Variants in SNX27 observed in about 807,000 individuals in gnomAD.
The protein encoded by SNX27 is sorting nexin-27.
In SNX27, 22 loss-of-function variants were observed where a neutral mutation model predicts 71.6. The observed-to-expected ratio is 0.31, with a 90% CI of 0.22 to 0.44. The LOEUF (loss-of-function observed/expected upper bound fraction) is 0.44, where lower values mean the gene tolerates loss of function less well. Among genes scored for constraint, SNX27 ranks in the 20% least tolerant of loss-of-function variants. SNX27 has a pLI of 1.00. For synonymous variants in SNX27, 269 were observed against 277.2 expected (o/e 0.97, Z 0.29); for missense variants, 531 against 698.6 (o/e 0.76, Z 2.70).
chr1:151,612,235 T>G lies in SNX27; in HGVS notation c.34T>G (p.Ser12Ala). The change falls in exon 1 of 12, where the codon TCA becomes GCA. Residue 12 changes from serine (S) to alanine (A), a missense_variant. Ser to Ala is a moderately conservative substitution (Grantham distance 99). This residue lies in a region of SNX27 where 130 missense variants were observed against 143.5 expected (regional missense o/e 0.91). Transcript: ENST00000458013. This position sits in a 1 kb window ranked among gnomAD's most constrained non-coding sequence, Gnocchi z 5.2. ...ADEDGEGIHP[S>A]APHRNGGGGG... The stretch of plus-strand genomic sequence containing the variant: ...CGAGGACGGGGAAGGGATTCATCCC[T>G]CAGCCCCTCACAGGAACGGAGGTGG... 1 of 1,419,436 alleles carries G rather than the reference T, an allele frequency of 7.0e-7. No homozygotes were observed. Among genetic ancestry groups the G allele is most frequent in the Non-Finnish European group, 9.2e-7 (1 of 1,088,896 alleles). 87.9% of individuals were successfully genotyped at this position (1,419,436 alleles called of 1,614,324 possible).
At chr1:151,692,379 A>G (rs1671491001) in intron 8 of SNX27, 56 bp from the exon 9 acceptor site, 2 of 1,459,706 alleles carry the variant, frequency 1.4e-6, no homozygotes, top group Non-Finnish European at 1.8e-6. Flanking sequence ...TTAATACCAT[A>G]GTAACCCTGT....
intron 2 of SNX27, among the ~76,000 whole-genome samples, chr1:151,655,024 G>C (rs1160472595): frequency 6.6e-6 from 1 of 151,918 alleles, no homozygotes; most frequent in African/African-American, 2.4e-5. Flanking sequence ...TATATGTCTA[G>C]TAATTTTTGA....
intron 1 of SNX27, among the ~76,000 whole-genome samples, chr1:151,633,410 A>G (rs1212753485): frequency 3.3e-5 from 5 of 151,806 alleles, no homozygotes; most frequent in Non-Finnish European, 7.4e-5. Flanking sequence ...CAATCCTCCT[A>G]CCTCAGTCCC....
At chr1:151,641,629 A>ATATATATATATC (rs1195933776) in intron 2 of SNX27, among the ~76,000 whole-genome samples, 2 of 120,078 alleles carry the variant, frequency 1.7e-5, no homozygotes, top group African/African-American at 6.0e-5. Flanking sequence ...ATATATATAT[A>ATATATATATATC]TCATATGTAT....
intron 1 of SNX27, among the ~76,000 whole-genome samples, chr1:151,624,149 A>G (rs971168321): frequency 4.0e-5 from 6 of 151,578 alleles, no homozygotes; most frequent in Admixed American, 3.3e-4. Flanking sequence ...ATTTTTTTGT[A>G]AAGTTAGGGT....
At chr1:151,617,579 C>T (rs970974004) in intron 1 of SNX27, among the ~76,000 whole-genome samples, 5 of 152,188 alleles carry the variant, frequency 3.3e-5, no homozygotes, top group Non-Finnish European at 7.4e-5. Flanking sequence ...CCACTGCGCC[C>T]AGTCAGTCTG....
In SNX27 at chr1:151,668,608, C is replaced by T. The variant is rs1158496817; in HGVS notation, c.1122C>T (p.Asp374=). 5 of 1,613,354 alleles carry T rather than the reference C, an allele frequency of 3.1e-6. No individual in the cohort carries two copies. The highest frequency in any genetic ancestry group is 3.4e-6 in the Non-Finnish European group (4 of 1,179,796). The change falls in exon 7 of 12, where the codon GAC becomes GAT. Residue 374 remains aspartate, a synonymous_variant. Transcript: ENST00000458013. ...TEEEILLNDN[D]LAVTYFFHQA... The stretch of plus-strand genomic sequence containing the variant: ...AAGAAATTCTCTTAAATGACAATGA[C>T]CTTGCTGTTACCTACTTCTTTCATC...
intron 1 of SNX27, among the ~76,000 whole-genome samples, chr1:151,633,021 G>A (rs1163385701): frequency 5.3e-5 from 8 of 151,836 alleles, no homozygotes; most frequent in African/African-American, 1.5e-4. Context: ...ACAGGCGCCC[G>A]CCACTACGCC....
chr1:151,662,122 GAT>G (rs775282588), intron 4 of SNX27, 42 bp from the exon 5 acceptor site: 1 of 1,378,904 alleles, frequency 7.3e-7, no homozygotes, highest in Non-Finnish European at 1.0e-6. Context: ...GGAGAGTGAA[GAT>G]ATACTGGGCC....
intron 2 of SNX27, among the ~76,000 whole-genome samples, chr1:151,657,187 T>G (rs536129962): frequency 6.6e-6 from 1 of 152,350 alleles, no homozygotes; most frequent in African/African-American, 2.4e-5. Flanking sequence ...TCATTTTGTT[T>G]TTTTGAGACA....
In SNX27 at chr1:151,612,634, C is replaced by G; in HGVS notation, c.311+122C>G. The stretch of plus-strand genomic sequence containing the variant: ...GAGCTCCGAGCCGGCCTCCGGACCC[C>G]CGCCCCTCAGGCCTCCGCAGCCGGG... On this transcript the variant is annotated intron_variant, in intron 1 of 11. Transcript: ENST00000458013. The surrounding 1 kb of genome is among the most constrained non-coding windows in gnomAD (Gnocchi z 5.2). 2.5e-6 allele frequency: 2 copies of G among 795,014 alleles called. No homozygotes were observed. Among genetic ancestry groups the G allele is most frequent in the East Asian group, 6.7e-5 (2 of 29,656 alleles). 49.2% of individuals were successfully genotyped at this position (795,014 alleles called of 1,614,324 possible). A position where few individuals can be genotyped will look rare whatever the true frequency, so the allele number is the denominator to read the frequency against.
At chr1:151,670,858 C>A (rs1356795060) in intron 7 of SNX27, among the ~76,000 whole-genome samples, 1 of 152,044 alleles carries the variant, frequency 6.6e-6, no homozygotes, top group Non-Finnish European at 1.5e-5. Context: ...AAATCTTTGC[C>A]CAGACTCATG....
chr1:151,637,061 T>G (rs1042007843), intron 1 of SNX27, among the ~76,000 whole-genome samples: 7 of 152,008 alleles, frequency 4.6e-5, no homozygotes. Context: ...CTGGTACTAA[T>G]AGTCAGGATC....
intron 7 of SNX27, among the ~76,000 whole-genome samples, chr1:151,669,756 T>A (rs1670375691): frequency 2.0e-5 from 3 of 152,202 alleles, no homozygotes; most frequent in Non-Finnish European, 4.4e-5. Context: ...TATTTTTAAT[T>A]TTTGTGGGTA....
chr1:151,643,765 A>C (rs971644507), intron 2 of SNX27, among the ~76,000 whole-genome samples: 1 of 151,946 alleles, frequency 6.6e-6, no homozygotes, highest in African/African-American at 2.4e-5. Context: ...GGTTCAAGCA[A>C]TTCTCCTGCC....
chr1:151,632,375 C>G (rs1668279995), intron 1 of SNX27, among the ~76,000 whole-genome samples: 1 of 152,130 alleles, frequency 6.6e-6, no homozygotes, highest in African/African-American at 2.4e-5. Context: ...CCAGGCTGGT[C>G]TTGAACTCCT....
At chr1:151,622,157 G>T (rs978641613) in intron 1 of SNX27, among the ~76,000 whole-genome samples, 2 of 152,046 alleles carry the variant, frequency 1.3e-5, no homozygotes, top group African/African-American at 4.8e-5. Context: ...AATTTAATTT[G>T]GATTAAAAGA....
intron 6 of SNX27, 47 bp downstream of exon 6, chr1:151,666,058 G>GA: frequency 1.4e-6 from 2 of 1,453,156 alleles, no homozygotes; most frequent in Non-Finnish European, 1.9e-6. Flanking sequence ...AATACTATGA[G>GA]AAAGAAACAT....
Position 151,658,510 on chromosome 1 carries a change from C to T in SNX27, c.736+83C>T. 3.0e-6 allele frequency: 4 copies of T among 1,350,626 alleles called. No individual in the cohort carries two copies. The South Asian group carries it at 5.6e-5, about 19-fold the overall frequency. 83.7% of individuals were successfully genotyped at this position (1,350,626 alleles called of 1,614,324 possible). ...CTTCTAAACTGCATAGCTGAATTTCCAGAACCTCAATAGTGAATGTAAGTC... is the reference window on the plus strand; with the variant it reads ...CTTCTAAACTGCATAGCTGAATTTCTAGAACCTCAATAGTGAATGTAAGTC... On this transcript the variant is annotated intron_variant, in intron 3 of 11. Coordinates refer to ENST00000458013, the MANE Select transcript of SNX27 (RefSeq NM_001330723.2).
Sources: allele counts gnomAD v4.1 joint callset (sites outside exome capture counted in the v4.1 genomes callset), GRCh38; gene constraint gnomAD v4.1.1; regional missense constraint gnomAD v4.1.1; non-coding constraint Gnocchi (gnomAD v3.1); transcripts MANE v1.5; gene names NCBI Gene and HGNC (gene_info 2026-07-23, HGNC 2026-07-21).